GRID2: variants seen among roughly 807,000 people sequenced by gnomAD.
GRID2 encodes glutamate ionotropic receptor delta type subunit 2.
GRID2 carries 33 observed loss-of-function variants against 114.8 expected under a neutral mutation model. The ratio of observed to expected loss-of-function variants is 0.29; its 90% CI spans 0.22 to 0.38. The LOEUF (loss-of-function observed/expected upper bound fraction) is 0.38, where lower values mean the gene tolerates loss of function less well. GRID2 is among the 10% of genes least tolerant of loss of function. The pLI is 1.00. For missense variants in GRID2, 1,184 were observed against 1,257.7 expected, an observed-to-expected ratio of 0.94 and a Z score of 0.89; for synonymous variants, 505 against 449.9, an observed-to-expected ratio of 1.12 and a Z score of -1.55.
chr4:92,790,119 C>A (rs759686328), intron 2 of GRID2, among the ~76,000 whole-genome samples: 1 of 151,476 alleles, frequency 6.6e-6, no homozygotes, highest in Admixed American at 6.6e-5. Flanking sequence ...TGTGCGTATG[C>A]GTGTATACAT....
intron 2 of GRID2, among the ~76,000 whole-genome samples, chr4:92,794,888 A>G (rs985408690): frequency 7.2e-4 from 98 of 136,128 alleles, no homozygotes; most frequent in Non-Finnish European, 1.2e-3. Flanking sequence ...ATATATATAT[A>G]TATATATATA....
In GRID2 at chr4:92,486,674, C is replaced by T. The variant is rs533347655; in HGVS notation, c.89-103457C>T. The stretch of plus-strand genomic sequence containing the variant: ...CCAATGGAATGGAGGAAAATACTTG[C>T]AAATCATATATGTCATAAGGGATTA... On this transcript the variant is annotated intron_variant, in intron 1 of 15. Coordinates refer to ENST00000282020, the MANE Select transcript of GRID2 (RefSeq NM_001510.4). 6.6e-5 allele frequency among the ~76,000 whole-genome samples: 10 copies of T among 150,948 alleles called. No individual in the cohort carries two copies. In the East Asian group the frequency reaches 1.9e-3, roughly 29 times the overall value.
intron 2 of GRID2, among the ~76,000 whole-genome samples, chr4:92,960,246 T>G (rs1392396918): frequency 6.6e-6 from 1 of 152,036 alleles, no homozygotes; most frequent in South Asian, 2.1e-4. Context: ...TGATGTTGAA[T>G]GAAGTACCCA....
chr4:92,366,972 A>C (rs1033270261), intron 1 of GRID2, among the ~76,000 whole-genome samples: 1 of 152,070 alleles, frequency 6.6e-6, no homozygotes, highest in Non-Finnish European at 1.5e-5. Flanking sequence ...ATGGGGATTC[A>C]TTTTGTTGTC....
chr4:93,334,855 C>T (rs1025050194), intron 8 of GRID2, among the ~76,000 whole-genome samples: 1 of 151,904 alleles, frequency 6.6e-6, no homozygotes, highest in Non-Finnish European at 1.5e-5. Flanking sequence ...CGCTTGAACC[C>T]GGGAGGCAGA....
chr4:92,458,286 T>A (rs536652314), intron 1 of GRID2, among the ~76,000 whole-genome samples: 1 of 152,356 alleles, frequency 6.6e-6, no homozygotes, highest in African/African-American at 2.4e-5. Context: ...ATCCTAGTTC[T>A]AGGCCTGGGT....
chr4:93,018,256 G>A (rs114378545), intron 2 of GRID2, among the ~76,000 whole-genome samples: 1,720 of 146,964 alleles, frequency 0.012, 38 homozygotes, highest in African/African-American at 0.041. Flanking sequence ...GGAAGTTTCA[G>A]TTACTCAGGG....
intron 1 of GRID2, among the ~76,000 whole-genome samples, chr4:92,565,892 T>C (rs1727312905): frequency 6.6e-6 from 1 of 152,062 alleles, no homozygotes; most frequent in Non-Finnish European, 1.5e-5. Flanking sequence ...AAACAGCACA[T>C]ATTTATTAAT....
chr4:92,722,542 G>A (rs1735859776), intron 2 of GRID2, among the ~76,000 whole-genome samples: 1 of 152,040 alleles, frequency 6.6e-6, no homozygotes, highest in African/African-American at 2.4e-5. Context: ...AACATGACAA[G>A]GGGAAAGAGA....
intron 2 of GRID2, among the ~76,000 whole-genome samples, chr4:92,955,601 G>A (rs1277339100): frequency 1.3e-5 from 2 of 152,042 alleles, no homozygotes; most frequent in Non-Finnish European, 2.9e-5. Flanking sequence ...CTTTTGCTGT[G>A]CAGAAGCTCT....
intron 2 of GRID2, among the ~76,000 whole-genome samples, chr4:92,649,511 A>G (rs1731820982): frequency 6.6e-6 from 1 of 151,558 alleles, no homozygotes; most frequent in Non-Finnish European, 1.5e-5. Flanking sequence ...TGATTCCTAT[A>G]TTAATCTCTT....
At chr4:93,149,295 C>G (rs1413630572) in intron 4 of GRID2, among the ~76,000 whole-genome samples, 2 of 152,050 alleles carry the variant, frequency 1.3e-5, no homozygotes, top group Non-Finnish European at 2.9e-5. Flanking sequence ...AACCTGGTGC[C>G]AGGCAGGGTG....
Position 92,611,082 on chromosome 4 carries a change from GTGTATATATA to G in GRID2, c.244+20800_244+20809del, listed in dbSNP as rs1444534341. On this transcript the variant is annotated intron_variant, in intron 2 of 15. Coordinates refer to ENST00000282020, the MANE Select transcript of GRID2 (RefSeq NM_001510.4). ...TATGTGTGTGTGTATATATATATGTGTGTATATATATGTGTGTGTGTATATGTGTGTGTAT... is the reference window on the plus strand; with the variant it reads ...TATGTGTGTGTGTATATATATATGTGTGTGTGTGTGTATATGTGTGTGTAT... Among the ~76,000 whole-genome samples, 179 of 136,546 alleles carry G rather than the reference GTGTATATATA, an allele frequency of 1.3e-3. 1 individual carries two copies. The highest frequency in any genetic ancestry group is 1.2e-3 in the Non-Finnish European group (71 of 59,482). The allele number at this position is 136,546 out of a possible 152,430, so 89.6% of individuals were successfully genotyped here.
chr4:93,175,778 A>T (rs183021001), intron 4 of GRID2, among the ~76,000 whole-genome samples: 1 of 152,260 alleles, frequency 6.6e-6, no homozygotes, highest in East Asian at 1.9e-4. Context: ...GTTTTGAAAA[A>T]AATATTATAT....
intron 5 of GRID2, 67 bp downstream of exon 5, chr4:93,207,524 C>T: frequency 1.0e-6 from 1 of 981,810 alleles, no homozygotes; most frequent in African/African-American, 1.6e-5. Context: ...GTAGCATTTC[C>T]AATGGCCTTG....
chr4:92,864,290 T>G (rs1409406004), intron 2 of GRID2, among the ~76,000 whole-genome samples: 3 of 152,180 alleles, frequency 2.0e-5, no homozygotes, highest in Non-Finnish European at 4.4e-5. Context: ...AGAAGTTCTT[T>G]TGGAGGACAG....
chr4:93,302,055 A>T (rs917413206), intron 8 of GRID2, among the ~76,000 whole-genome samples: 5 of 152,202 alleles, frequency 3.3e-5, no homozygotes, highest in Non-Finnish European at 7.4e-5. Flanking sequence ...ATAAAATCTT[A>T]TGAGAGCTCA....
chr4:93,399,586 G>C (rs1239989939), intron 9 of GRID2, among the ~76,000 whole-genome samples: 2 of 152,076 alleles, frequency 1.3e-5, no homozygotes, highest in Non-Finnish European at 2.9e-5. Context: ...GACTGATAAG[G>C]CATGGGAGGA....
intron 1 of GRID2, among the ~76,000 whole-genome samples, chr4:92,400,351 C>T (rs1199564965): frequency 1.3e-5 from 2 of 152,166 alleles, no homozygotes; most frequent in Non-Finnish European, 1.5e-5. Flanking sequence ...CAAATAGAAT[C>T]ATGCAATATG....
Sources: allele counts gnomAD v4.1 joint callset (sites outside exome capture counted in the v4.1 genomes callset), GRCh38; gene constraint gnomAD v4.1.1; transcripts MANE v1.5; gene names NCBI Gene and HGNC (gene_info 2026-07-23, HGNC 2026-07-21).